Variants in NFATC1 observed in about 807,000 individuals in gnomAD.
NFATC1 encodes nuclear factor of activated T cells 1.
NFATC1 carries 22 observed loss-of-function variants against 76.0 expected under a neutral mutation model. That is an observed-to-expected ratio of 0.29 (90% CI 0.21 to 0.41). The LOEUF (loss-of-function observed/expected upper bound fraction) is 0.41. Ranked by LOEUF, NFATC1 falls within the 10% of genes least tolerant of loss-of-function variation. The pLI is 1.00. For missense variants in NFATC1, 1,357 were observed against 1,337.7 expected (o/e 1.01, Z -0.23); for synonymous variants, 704 against 613.1 (o/e 1.15, Z -2.19).
At chr18:79,513,551 G>T (rs1460802946) in intron 9 of NFATC1, among the ~76,000 whole-genome samples, 3 of 152,384 alleles carry the variant, frequency 2.0e-5, no homozygotes, top group Non-Finnish European at 2.9e-5. Flanking sequence ...AAACATCGTG[G>T]TGGTGAGGGA....
At chr18:79,503,807 C>T (rs1397784600) in intron 9 of NFATC1, among the ~76,000 whole-genome samples, 1 of 152,240 alleles carries the variant, frequency 6.6e-6, no homozygotes, top group Non-Finnish European at 1.5e-5. Context: ...AGTGTGGCCA[C>T]CTTCACCAAT....
intron 3 of NFATC1, among the ~76,000 whole-genome samples, chr18:79,444,335 C>T (rs2087106631): frequency 6.6e-6 from 1 of 152,206 alleles, no homozygotes; most frequent in East Asian, 1.9e-4. Context: ...AGTCTCCAGC[C>T]ATGGCGTCCC....
chr18:79,397,241 C>A (rs2148114490), intron 1 of NFATC1, among the ~76,000 whole-genome samples: 1 of 152,350 alleles, frequency 6.6e-6, no homozygotes, highest in South Asian at 2.1e-4. Flanking sequence ...TTAGGGATTG[C>A]AATGCTAATG....
intron 7 of NFATC1, among the ~76,000 whole-genome samples, chr18:79,464,985 G>T (rs1204173869): frequency 2.6e-5 from 4 of 152,038 alleles, no homozygotes; most frequent in Non-Finnish European, 5.9e-5. Context: ...GATGACAGGT[G>T]TGAGCCACCG....
At position 79,467,546 on chromosome 18, in the gene NFATC1, A is replaced by G. The variant is rs757467219; in HGVS notation, c.2056A>G (p.Ser686Gly). ...CGTCTGCAACGGGAAGAGAAAGCGA[A>G]GCCAGTACCAGCGTTTCACCTACCT... is the stretch of plus-strand genomic sequence containing the variant. ...FYVCNGKRKR[S>G]QYQRFTYLPA... The change falls in exon 8 of 10, where the codon AGC becomes GGC. Residue 686 changes from serine (S) to glycine (G), a missense_variant. Transcript: ENST00000427363. 67 of 1,613,876 alleles carry G rather than the reference A, an allele frequency of 4.2e-5. No homozygotes were observed. The highest frequency in any genetic ancestry group is 5.4e-5 in the Non-Finnish European group (64 of 1,179,970).
chr18:79,398,973 A>G (rs554786880), intron 1 of NFATC1, among the ~76,000 whole-genome samples: 3 of 152,370 alleles, frequency 2.0e-5, no homozygotes, highest in East Asian at 1.9e-4. Context: ...AGGCTGAGGC[A>G]GGAGAATCGC....
chr18:79,492,879 A>G (rs1277017962), intron 9 of NFATC1, among the ~76,000 whole-genome samples: 1 of 144,542 alleles, frequency 6.9e-6, no homozygotes, highest in Non-Finnish European at 1.5e-5. Context: ...ATCTCAAAAA[A>G]AAAAAAGAAA....
In NFATC1 at chr18:79,396,329, C is replaced by T. The variant is rs374280400; in HGVS notation, c.105C>T (p.Gly35=). 9.9e-4 allele frequency: 1,393 copies of T among 1,405,794 alleles called. 10 individuals are homozygous for T. The African/African-American group carries it at 0.019, about 19-fold the overall frequency. 87.1% of individuals were successfully genotyped at this position (1,405,794 alleles called of 1,614,324 possible). Residue 35 remains glycine (G), a synonymous_variant, in exon 1 of 10, where the codon GGC becomes GGT. Coordinates refer to ENST00000427363, the MANE Select transcript of NFATC1 (RefSeq NM_001278669.2). ...TGGGGCCCGCGCCGCGCGCCGGCGG[C>T]ACCATGAAGTCAGCGGAGGAAGGTA... ...ETLGPAPRAG[G]TMKSAEEEHY... is the part of the protein sequence containing the mutation.
At chr18:79,414,589 G>A (rs1185788954) in intron 2 of NFATC1, among the ~76,000 whole-genome samples, 4 of 152,236 alleles carry the variant, frequency 2.6e-5, no homozygotes, top group Admixed American at 6.5e-5. Context: ...GTAAGAGTAG[G>A]TGATAGAACC....
intron 1 of NFATC1, among the ~76,000 whole-genome samples, chr18:79,407,447 T>C (rs908135050): frequency 4.6e-5 from 7 of 151,824 alleles, no homozygotes; most frequent in Non-Finnish European, 8.8e-5. Flanking sequence ...TCCTTATTGA[T>C]TTATTGATTT....
intron 9 of NFATC1, among the ~76,000 whole-genome samples, chr18:79,510,315 C>T (rs754471051): frequency 2.0e-5 from 3 of 152,128 alleles, no homozygotes; most frequent in Non-Finnish European, 4.4e-5. Context: ...TTAGGAATTA[C>T]TTTAGGGCTA....
chr18:79,425,199 T>C (rs141536827), intron 2 of NFATC1, among the ~76,000 whole-genome samples: 1,947 of 87,110 alleles, frequency 0.022, 61 homozygotes, highest in African/African-American at 0.034. Flanking sequence ...GTCTCTCTGT[T>C]TCTCTCCCTG....
intron 9 of NFATC1, among the ~76,000 whole-genome samples, chr18:79,504,636 G>A (rs1366695737): frequency 2.0e-5 from 3 of 151,914 alleles, no homozygotes; most frequent in East Asian, 1.9e-4. Flanking sequence ...TTGGAAACGT[G>A]GTGCCCACAG....
intron 3 of NFATC1, among the ~76,000 whole-genome samples, chr18:79,435,359 T>G (rs1275390370): frequency 1.6e-5 from 2 of 127,200 alleles, no homozygotes; most frequent in South Asian, 2.2e-4. Flanking sequence ...TTTGTTTTTT[T>G]TTTTTTTTTG....
chr18:79,447,385 G>C (rs1447558099), intron 3 of NFATC1, among the ~76,000 whole-genome samples: 1 of 152,258 alleles, frequency 6.6e-6, no homozygotes, highest in African/African-American at 2.4e-5. Context: ...GAACGTGCCT[G>C]CAGGAGCCCA....
chr18:79,407,773 C>G (rs1470548487), intron 1 of NFATC1, among the ~76,000 whole-genome samples: 1 of 152,224 alleles, frequency 6.6e-6, no homozygotes, highest in Non-Finnish European at 1.5e-5. Context: ...CATTACTGTT[C>G]TCTCTCCGGT....
chr18:79,441,904 T>C (rs1486351922), intron 3 of NFATC1, among the ~76,000 whole-genome samples: 1 of 152,026 alleles, frequency 6.6e-6, no homozygotes, highest in Non-Finnish European at 1.5e-5. Flanking sequence ...CTAAACGTGG[T>C]GTTTCCGGGC....
intron 3 of NFATC1, among the ~76,000 whole-genome samples, chr18:79,447,854 C>T (rs983694191): frequency 4.6e-5 from 7 of 152,232 alleles, no homozygotes; most frequent in Non-Finnish European, 5.9e-5. Flanking sequence ...CGGAACCACG[C>T]GTGGTGCAGA....
At chr18:79,400,672 C>T (rs1393367036) in intron 1 of NFATC1, among the ~76,000 whole-genome samples, 4 of 67,290 alleles carry the variant, frequency 5.9e-5, no homozygotes, top group Non-Finnish European at 1.5e-4. Flanking sequence ...CGAGCGCTCG[C>T]GGCGGGGTCC....
Sources: allele counts gnomAD v4.1 joint callset (sites outside exome capture counted in the v4.1 genomes callset), GRCh38; gene constraint gnomAD v4.1.1; transcripts MANE v1.5; gene names NCBI Gene and HGNC (gene_info 2026-07-23, HGNC 2026-07-21).